The following GRM7 variants were observed in gnomAD, a reference collection of about 807,000 sequenced individuals.
GRM7 encodes the protein glutamate metabotropic receptor 7.
Under a neutral mutation model 84.5 loss-of-function variants are expected in GRM7, and 35 were observed. The observed-to-expected ratio is 0.41, with a 90% confidence interval of 0.32 to 0.55. GRM7 has a LOEUF of 0.55. Ranked by LOEUF, GRM7 falls within the 20% of genes least tolerant of loss-of-function variation. The pLI is 0.19. For synonymous variants in GRM7, 487 were observed against 455.1 expected (o/e 1.07, Z -0.89); for missense variants, 1,003 against 1,194.6 (o/e 0.84, Z 2.36).
At chr3:7,681,437 C>T (rs1018669401) in intron 9 of GRM7, 8 of 152,186 alleles carry the variant, frequency 5.3e-5, no homozygotes, top group African/African-American at 1.9e-4. Flanking sequence ...ACAAACACTA[C>T]ACAAAGAACT....
At chr3:7,366,689 C>G (rs1693906598) in intron 4 of GRM7, among the ~76,000 whole-genome samples, 1 of 151,726 alleles carries the variant, frequency 6.6e-6, no homozygotes, top group Non-Finnish European at 1.5e-5. Context: ...TGCAATATCT[C>G]ACTATATTAA....
chr3:7,202,130 G>A (rs2125114598), intron 2 of GRM7, among the ~76,000 whole-genome samples: 1 of 151,890 alleles, frequency 6.6e-6, no homozygotes, highest in Non-Finnish European at 1.5e-5. Context: ...TAGTCATCTT[G>A]TCTCAAATTA....
chr3:6,927,620 T>G (rs1697360560), intron 1 of GRM7, among the ~76,000 whole-genome samples: 1 of 152,138 alleles, frequency 6.6e-6, no homozygotes, highest in South Asian at 2.1e-4. Context: ...ATATCATCAT[T>G]GCTATTTTTT....
At chr3:7,313,700 A>G (rs1216502502) in intron 4 of GRM7, among the ~76,000 whole-genome samples, 1 of 152,174 alleles carries the variant, frequency 6.6e-6, no homozygotes, top group Non-Finnish European at 1.5e-5. Flanking sequence ...CTATTAATAT[A>G]TATCCCTATA....
At chr3:7,473,275 C>T (rs1051055864) in intron 7 of GRM7, among the ~76,000 whole-genome samples, 13 of 152,068 alleles carry the variant, frequency 8.5e-5, no homozygotes, top group Non-Finnish European at 1.5e-5. Flanking sequence ...TGAGACCAGC[C>T]TGGACAACAA....
chr3:6,984,971 T>G (rs1207749876), intron 1 of GRM7, among the ~76,000 whole-genome samples: 7 of 152,226 alleles, frequency 4.6e-5, no homozygotes, highest in Admixed American at 2.6e-4. Context: ...CCTCAGCTTT[T>G]TCTTCAGCGT....
rs1339493656 is a variant in GRM7 at position 7,631,426 on chromosome 3, C to T, written c.2452-48623C>T. ...GTGGACTCTGAGGCCCCTAGAGATC[C>T]TTGAGATGTTAAGGACGTTACTTAC... On this transcript the variant is annotated intron_variant, in intron 8 of 9. Transcript: ENST00000357716. Among the ~76,000 whole-genome samples the T allele has an allele frequency of 3.3e-5, 5 of 152,202 alleles. No homozygotes were observed. In the South Asian group the frequency reaches 8.3e-4, roughly 25 times the overall value.
chr3:7,071,899 T>A (rs1036878091), intron 1 of GRM7, among the ~76,000 whole-genome samples: 19 of 152,046 alleles, frequency 1.2e-4, no homozygotes, highest in Non-Finnish European at 1.5e-5. Flanking sequence ...TACAATAATA[T>A]CTAATATTTA....
intron 6 of GRM7, among the ~76,000 whole-genome samples, chr3:7,457,776 T>C (rs13315717): frequency 0.57 from 86,311 of 151,940 alleles, 25,804 homozygotes; most frequent in Non-Finnish European, 0.68. Context: ...GGGAAGAAGC[T>C]TAGATGCCCC....
chr3:7,514,414 G>A (rs1313542171), intron 7 of GRM7, among the ~76,000 whole-genome samples: 1 of 152,294 alleles, frequency 6.6e-6, no homozygotes, highest in African/African-American at 2.4e-5. Context: ...TATATCTTCA[G>A]TAAGCTTACC....
intron 1 of GRM7, among the ~76,000 whole-genome samples, chr3:6,991,467 A>G (rs1395863793): frequency 6.6e-6 from 1 of 152,228 alleles, no homozygotes; most frequent in Non-Finnish European, 1.5e-5. Context: ...ATAAGATTGT[A>G]GAGAGGGGAT....
chr3:7,603,503 T>C (rs1382418085), intron 8 of GRM7, among the ~76,000 whole-genome samples: 2 of 152,154 alleles, frequency 1.3e-5, no homozygotes, highest in African/African-American at 2.4e-5. Flanking sequence ...TAGGTTTTGT[T>C]ACATCCCAGA....
chr3:7,035,930 G>A (rs1402609554), intron 1 of GRM7, among the ~76,000 whole-genome samples: 1 of 152,180 alleles, frequency 6.6e-6, no homozygotes, highest in African/African-American at 2.4e-5. Flanking sequence ...CATATACTAT[G>A]TGCCAGGCTC....
chr3:7,712,638 C>A (rs953928468), intron 9 of GRM7, among the ~76,000 whole-genome samples: 1 of 135,166 alleles, frequency 7.4e-6, no homozygotes, highest in African/African-American at 2.7e-5. Flanking sequence ...TTTCTTTGTT[C>A]TTTTTTTTGT....
Position 6,861,380 on chromosome 3 carries a change from C to G in GRM7, c.-9C>G. On this transcript the variant is annotated 5_prime_UTR_variant, in exon 1 of 10. Coordinates refer to ENST00000357716, the MANE Select transcript of GRM7 (RefSeq NM_000844.4). This position sits in a 1 kb window ranked among gnomAD's most constrained non-coding sequence, Gnocchi z 6.4. Reference sequence around the variant, plus strand: ...GCGCCGCCGCCGCCACCGCAGCAGCCGGAGCAGCATGGTCCAGCTGAGGAA... The same window carrying G: ...GCGCCGCCGCCGCCACCGCAGCAGCGGGAGCAGCATGGTCCAGCTGAGGAA... 1 of 1,515,742 alleles carries G rather than the reference C, an allele frequency of 6.6e-7. No homozygotes were observed. Among genetic ancestry groups the G allele is most frequent in the Non-Finnish European group, 8.7e-7 (1 of 1,142,914 alleles). The allele number at this position is 1,515,742 out of a possible 1,614,324, so 93.9% of individuals were successfully genotyped here.
intron 1 of GRM7, among the ~76,000 whole-genome samples, chr3:7,101,305 G>T (rs1488787438): frequency 1.3e-5 from 2 of 151,560 alleles, no homozygotes; most frequent in Non-Finnish European, 3.0e-5. Context: ...TTTTCAATGG[G>T]TGGATATTTA....
At chr3:6,978,870 A>G (rs1029327663) in intron 1 of GRM7, among the ~76,000 whole-genome samples, 2 of 152,184 alleles carry the variant, frequency 1.3e-5, no homozygotes, top group African/African-American at 4.8e-5. Context: ...ATAATCATTC[A>G]TCCTTGATAG....
At chr3:7,478,742 G>C (rs777617733) in intron 7 of GRM7, among the ~76,000 whole-genome samples, 6 of 152,148 alleles carry the variant, frequency 3.9e-5, no homozygotes, top group Admixed American at 2.0e-4. Flanking sequence ...ATCAACTAGT[G>C]TGAAGGCATT....
intron 1 of GRM7, among the ~76,000 whole-genome samples, chr3:6,957,263 C>T (rs1693096707): frequency 6.6e-6 from 1 of 152,166 alleles, no homozygotes; most frequent in Non-Finnish European, 1.5e-5. Context: ...AGGAATTTCT[C>T]CCAGGACTCA....
Sources: gnomAD v4.1 joint callset for allele counts (sites outside exome capture counted in the v4.1 genomes callset) on GRCh38, gnomAD v4.1.1 for gene constraint, Gnocchi (gnomAD v3.1) non-coding constraint, MANE v1.5 for transcripts, NCBI Gene and HGNC (gene_info 2026-07-23, HGNC 2026-07-21) for gene names.